USP43: variants seen among roughly 807,000 people sequenced by gnomAD.
The protein encoded by USP43 is ubiquitin specific peptidase 43.
A neutral mutation model predicts 90.7 loss-of-function variants in USP43; 33 were observed. The ratio of observed to expected loss-of-function variants is 0.36; its 90% confidence interval spans 0.28 to 0.49. The LOEUF is 0.49. Among genes scored for constraint, USP43 ranks in the 20% least tolerant of loss-of-function variants. The pLI, the probability that USP43 is intolerant of heterozygous loss-of-function variation, is 0.98. For missense variants in USP43, 1,274 were observed against 1,476.4 expected (o/e 0.86, Z 2.25); for synonymous variants, 598 against 615.8 (o/e 0.97, Z 0.43).
At chr17:9,711,712 T>A (rs1045985099) in intron 13 of USP43, among the ~76,000 whole-genome samples, 50 of 152,306 alleles carry the variant, frequency 3.3e-4, no homozygotes, top group African/African-American at 1.2e-3. Flanking sequence ...ATTACAGGCG[T>A]GAGCCACCGC....
At chr17:9,663,037 C>G (rs184644268) in intron 2 of USP43, among the ~76,000 whole-genome samples, 22 of 151,524 alleles carry the variant, frequency 1.5e-4, no homozygotes, top group African/African-American at 4.6e-4. Flanking sequence ...AGGCTGGTCT[C>G]GAACTCCTGA....
chr17:9,700,241 C>A lies in USP43; in HGVS notation c.1527C>A (p.Val509=). Residue 509 remains valine (V), a synonymous_variant, in exon 10 of 15, where the codon GTC becomes GTA. Transcript: ENST00000285199. ...VKLAVEWDSS[V]KERLFGSLQE... is the part of the protein sequence containing the mutation. Reference sequence around the variant, plus strand: ...TGGCGGTGGAGTGGGATAGCTCTGTCAAGGAGCGGTGAGTTCAAGGGAATT... The same window carrying A: ...TGGCGGTGGAGTGGGATAGCTCTGTAAAGGAGCGGTGAGTTCAAGGGAATT... The A allele has an allele frequency of 1.3e-6, 2 of 1,597,872 alleles. No individual in the cohort carries two copies. Among genetic ancestry groups the A allele is most frequent in the Non-Finnish European group, 1.7e-6 (2 of 1,172,530 alleles).
intron 8 of USP43, among the ~76,000 whole-genome samples, chr17:9,688,576 C>T (rs779492860): frequency 5.9e-5 from 9 of 152,144 alleles, no homozygotes; most frequent in Non-Finnish European, 8.8e-5. Flanking sequence ...GTCTCAATCT[C>T]TTGGCCTCAT....
At position 9,675,306 on chromosome 17, in the gene USP43, C is replaced by A. The variant is rs147784132; in HGVS notation, c.833+323C>A. Among the ~76,000 whole-genome samples, 475 of 152,214 alleles carry A rather than the reference C, an allele frequency of 3.1e-3. 2 individuals are homozygous for A. The highest frequency in any genetic ancestry group is 0.01 in the African/African-American group (428 of 41,526). ...GCAAACTAGAGAAAATCCGTGGCCA[C>A]CTGCTTTTTTTTCCCCAGCTTTACT... On this transcript the variant is annotated intron_variant, in intron 4 of 14. Coordinates refer to ENST00000285199, the MANE Select transcript of USP43 (RefSeq NM_153210.5).
intron 1 of USP43, among the ~76,000 whole-genome samples, chr17:9,654,820 C>T (rs1444268747): frequency 6.6e-6 from 1 of 151,846 alleles, no homozygotes; most frequent in Non-Finnish European, 1.5e-5. Context: ...TCACTGCAAC[C>T]TCTACCTCCC....
Position 9,680,310 on chromosome 17 carries a change from G to T in USP43, c.1049G>T (p.Gly350Val). The T allele has an allele frequency of 6.2e-7, 1 of 1,613,968 alleles. No individual in the cohort carries two copies. ...GAGGACCTGAATACCATCGCAGAGG[G>T]AGATAATGTGTATGCCTTTCAAGTT... is the stretch of plus-strand genomic sequence containing the variant. ...DEEDLNTIAE[G>V]DNVYAFQVPP... The change falls in exon 6 of 15, where the codon GGA becomes GTA. Residue 350 changes from glycine to valine, a missense_variant. By Grantham distance (109) the Gly-to-Val change is moderately radical. Transcript: ENST00000285199.
intron 3 of USP43, among the ~76,000 whole-genome samples, chr17:9,671,995 ATTTTAT>A (rs1913466616): frequency 6.6e-6 from 1 of 151,812 alleles, no homozygotes; most frequent in Admixed American, 6.6e-5. Context: ...TTCATTCTTT[ATTTTAT>A]TTTTATTTTT....
At chr17:9,689,972 A>G (rs1914836595) in intron 8 of USP43, among the ~76,000 whole-genome samples, 1 of 152,104 alleles carries the variant, frequency 6.6e-6, no homozygotes, top group Non-Finnish European at 1.5e-5. Context: ...TTACTTCCAG[A>G]CGTTGATTTC....
chr17:9,650,190 T>C (rs1339906769), intron 1 of USP43, among the ~76,000 whole-genome samples: 1 of 152,240 alleles, frequency 6.6e-6, no homozygotes, highest in Non-Finnish European at 1.5e-5. Context: ...CTGTGATTAT[T>C]CCCATAAGCT....
At chr17:9,708,206 G>A (rs559014230) in intron 12 of USP43, among the ~76,000 whole-genome samples, 7 of 152,332 alleles carry the variant, frequency 4.6e-5, no homozygotes, top group Non-Finnish European at 1.0e-4. Flanking sequence ...GGTGGGGCTG[G>A]AGAAGTGGGC....
At chr17:9,661,362 A>C (rs926374830) in intron 2 of USP43, among the ~76,000 whole-genome samples, 2 of 151,862 alleles carry the variant, frequency 1.3e-5, no homozygotes, top group African/African-American at 4.8e-5. Context: ...ATTTTTATTT[A>C]TTTATTTTTT....
intron 1 of USP43, among the ~76,000 whole-genome samples, chr17:9,655,211 G>C (rs1191308731): frequency 6.6e-6 from 1 of 151,358 alleles, no homozygotes; most frequent in East Asian, 2.0e-4. Flanking sequence ...GAACAGACCT[G>C]TGTGGGACGA....
chr17:9,650,301 A>G (rs544179576), intron 1 of USP43, among the ~76,000 whole-genome samples: 15 of 152,330 alleles, frequency 9.8e-5, no homozygotes, highest in African/African-American at 3.1e-4. Context: ...GGTCTAAACT[A>G]TATACAGTGA....
At chr17:9,725,345 T>C (rs887691927) in intron 14 of USP43, among the ~76,000 whole-genome samples, 6 of 151,726 alleles carry the variant, frequency 4.0e-5, no homozygotes, top group Non-Finnish European at 8.8e-5. Flanking sequence ...TGAACCAGAG[T>C]TAGTGCCCAG....
intron 2 of USP43, among the ~76,000 whole-genome samples, chr17:9,665,126 C>T (rs1000258283): frequency 2.0e-5 from 3 of 151,982 alleles, no homozygotes; most frequent in African/African-American, 7.3e-5. Flanking sequence ...TTTAGGGAAA[C>T]TAGAAAGGTC....
At chr17:9,650,702 T>C (rs73255724) in intron 1 of USP43, among the ~76,000 whole-genome samples, 8,369 of 152,176 alleles carry the variant, frequency 0.055, 741 homozygotes, top group African/African-American at 0.19. Context: ...AACATACCTA[T>C]GTTTTTGTGG....
At chr17:9,702,108 C>T (rs1915609730) in intron 12 of USP43, among the ~76,000 whole-genome samples, 1 of 152,120 alleles carries the variant, frequency 6.6e-6, no homozygotes, top group African/African-American at 2.4e-5. Context: ...TGCCTGTAAT[C>T]CCAGCACTTT....
In USP43 at chr17:9,674,802, TG is replaced by T; in HGVS notation, c.741-87del. ...TACCTACGAGTGGAATCACAGGGAG[TG>T]GAAATGCAAGGATAATTCTGTATTG... On this transcript the variant is annotated intron_variant, in intron 3 of 14. Transcript: ENST00000285199. The surrounding 1 kb of genome is among the most constrained non-coding windows in gnomAD (Gnocchi z 4.4). 9.4e-7 allele frequency: 1 copy of T among 1,069,142 alleles called. No homozygotes were observed. Among genetic ancestry groups the T allele is most frequent in the Non-Finnish European group, 1.4e-6 (1 of 694,146 alleles). The allele number at this position is 1,069,142 out of a possible 1,614,324, so 66.2% of individuals were successfully genotyped here. A position where few individuals can be genotyped will look rare whatever the true frequency, so the allele number is the denominator to read the frequency against.
chr17:9,698,195 T>A (rs1915383978), intron 9 of USP43, among the ~76,000 whole-genome samples: 1 of 152,216 alleles, frequency 6.6e-6, no homozygotes, highest in Non-Finnish European at 1.5e-5. Context: ...TTGTTTTTGT[T>A]GACTTAAGTT....
Sources: allele counts gnomAD v4.1 joint callset (sites outside exome capture counted in the v4.1 genomes callset), GRCh38; gene constraint gnomAD v4.1.1; non-coding constraint Gnocchi (gnomAD v3.1); transcripts MANE v1.5; gene names NCBI Gene and HGNC (gene_info 2026-07-23, HGNC 2026-07-21).